Variants in SEMA3A observed in about 807,000 individuals in gnomAD.
SEMA3A encodes the protein semaphorin-3A.
SEMA3A carries 29 observed loss-of-function variants against 97.9 expected under a neutral mutation model. The ratio of observed to expected loss-of-function variants is 0.30; its 90% CI spans 0.22 to 0.40. SEMA3A has a LOEUF of 0.40. Among genes scored for constraint, SEMA3A ranks in the 10% least tolerant of loss-of-function variants. The pLI is 1.00. For synonymous variants in SEMA3A, 321 were observed against 323.7 expected (o/e 0.99, Z 0.09); for missense variants, 763 against 951.3 (o/e 0.80, Z 2.60).
chr7:84,360,982 A>C (rs770725574), intron 2 of SEMA3A, among the ~76,000 whole-genome samples: 2 of 152,030 alleles, frequency 1.3e-5, no homozygotes, highest in African/African-American at 2.4e-5. Context: ...ATACAGGTAA[A>C]AATGTTATTT....
At chr7:84,272,222 T>C (rs1325190613) in intron 3 of SEMA3A, among the ~76,000 whole-genome samples, 1 of 152,022 alleles carries the variant, frequency 6.6e-6, no homozygotes, top group East Asian at 1.9e-4. Context: ...ATTTAGAATC[T>C]ATGAAAAAAG....
chr7:84,357,136 A>AT (rs974885900), intron 2 of SEMA3A, among the ~76,000 whole-genome samples: 4 of 150,120 alleles, frequency 2.7e-5, no homozygotes, highest in African/African-American at 9.7e-5. Context: ...ATATATATAT[A>AT]TTTTTTATTA....
chr7:84,144,618 T>C (rs1796410939), intron 1 of SEMA3A, among the ~76,000 whole-genome samples: 1 of 152,148 alleles, frequency 6.6e-6, no homozygotes, highest in Non-Finnish European at 1.5e-5. Context: ...CTCATACTTG[T>C]TCAAAACAGC....
intron 1 of SEMA3A, among the ~76,000 whole-genome samples, chr7:84,472,753 CAGA>C (rs1285286906): frequency 1.3e-5 from 2 of 152,084 alleles, no homozygotes; most frequent in African/African-American, 4.8e-5. Flanking sequence ...CATATTATTT[CAGA>C]AGAACATAAT....
chr7:83,981,326 T>C lies in SEMA3A; in HGVS notation c.1647A>G (p.Ala549=). Reference sequence around the variant, plus strand: ...ATTTTGAATATTTTTCCTACCTCTTTGCAGTGGGAAAATAGCGAGAACATG... The same window carrying C: ...ATTTTGAATATTTTTCCTACCTCTTCGCAGTGGGAAAATAGCGAGAACATG... ...GSACSRYFPT[A]KRRTRRQDIR... The change falls in exon 14 of 17, where the codon GCA becomes GCG. Residue 549 remains alanine, a synonymous_variant. Transcript: ENST00000265362. 1 of 1,613,858 alleles carries C rather than the reference T, an allele frequency of 6.2e-7. No homozygotes were observed. The highest frequency in any genetic ancestry group is 1.3e-5 in the African/African-American group (1 of 75,042).
chr7:84,179,411 C>A (rs1562834572), intron 1 of SEMA3A, among the ~76,000 whole-genome samples: 1 of 152,122 alleles, frequency 6.6e-6, no homozygotes, highest in Non-Finnish European at 1.5e-5. Flanking sequence ...ACTAGAAAGC[C>A]ATTCTCCATT....
intron 3 of SEMA3A, among the ~76,000 whole-genome samples, chr7:84,209,715 A>T (rs182260962): frequency 2.0e-5 from 3 of 152,316 alleles, no homozygotes; most frequent in East Asian, 3.9e-4. Context: ...ATAAAATGTA[A>T]TGGCTGTTAT....
chr7:84,398,019 A>T (rs1803784203), intron 1 of SEMA3A, among the ~76,000 whole-genome samples: 1 of 152,178 alleles, frequency 6.6e-6, no homozygotes, highest in Non-Finnish European at 1.5e-5. Context: ...TTTATTTCTT[A>T]TTTGATTTGC....
chr7:84,044,040 C>T (rs756655253), intron 6 of SEMA3A, among the ~76,000 whole-genome samples: 1 of 152,000 alleles, frequency 6.6e-6, no homozygotes, highest in Non-Finnish European at 1.5e-5. Context: ...TTTTGTTTCT[C>T]ATGGACAGAG....
At chr7:84,142,099 T>C (rs1036729861) in intron 1 of SEMA3A, among the ~76,000 whole-genome samples, 2 of 152,212 alleles carry the variant, frequency 1.3e-5, no homozygotes, top group African/African-American at 2.4e-5. Flanking sequence ...CTATCTGTTA[T>C]ATGAATTTAT....
intron 11 of SEMA3A, 64 bp from the exon 12 acceptor site, chr7:84,002,110 G>T: frequency 1.1e-6 from 1 of 883,984 alleles, no homozygotes; most frequent in Non-Finnish European, 1.8e-6. Context: ...TAGTGTTAAT[G>T]AATGAAATAT....
chr7:84,023,781 C>A (rs1388973520), intron 6 of SEMA3A, among the ~76,000 whole-genome samples: 1 of 151,850 alleles, frequency 6.6e-6, no homozygotes, highest in African/African-American at 2.4e-5. Context: ...GAGGCCGAGG[C>A]GGGTGGATCA....
intron 1 of SEMA3A, among the ~76,000 whole-genome samples, chr7:84,480,409 T>C (rs920787200): frequency 6.6e-6 from 1 of 152,206 alleles, no homozygotes; most frequent in African/African-American, 2.4e-5. Context: ...TCGTAGGGAA[T>C]CTTTCCATTC....
chr7:84,246,254 T>C (rs1018631798), intron 3 of SEMA3A, among the ~76,000 whole-genome samples: 1 of 152,208 alleles, frequency 6.6e-6, no homozygotes, highest in Admixed American at 6.5e-5. Context: ...GGAATACAAT[T>C]TCGTTGTTTT....
At chr7:84,291,434 AT>A (rs1800743734) in intron 3 of SEMA3A, among the ~76,000 whole-genome samples, 1 of 151,916 alleles carries the variant, frequency 6.6e-6, no homozygotes, top group Non-Finnish European at 1.5e-5. Context: ...CTTACATTCA[AT>A]TTTTATTTTA....
At chr7:84,332,301 T>C (rs747488898) in intron 2 of SEMA3A, among the ~76,000 whole-genome samples, 3 of 152,174 alleles carry the variant, frequency 2.0e-5, no homozygotes, top group South Asian at 2.1e-4. Flanking sequence ...TATTAAAATG[T>C]TATTAATGTG....
chr7:84,142,997 G>C (rs1313460132), intron 1 of SEMA3A, among the ~76,000 whole-genome samples: 1 of 152,076 alleles, frequency 6.6e-6, no homozygotes, highest in African/African-American at 2.4e-5. Flanking sequence ...TCACTAATCT[G>C]ATCCATCGCT....
intron 15 of SEMA3A, among the ~76,000 whole-genome samples, chr7:83,968,481 T>A (rs1365391473): frequency 6.6e-6 from 1 of 152,190 alleles, no homozygotes; most frequent in East Asian, 1.9e-4. Flanking sequence ...ATTATTGAGA[T>A]TCTCGTGAAC....
At chr7:84,186,724 T>C (rs1173499252) in intron 1 of SEMA3A, among the ~76,000 whole-genome samples, 3 of 151,710 alleles carry the variant, frequency 2.0e-5, no homozygotes, top group Non-Finnish European at 2.9e-5. Flanking sequence ...TTCCTGGCAA[T>C]ATTTCTACCA....
Sources: gnomAD v4.1 joint callset for allele counts (sites outside exome capture counted in the v4.1 genomes callset) on GRCh38, gnomAD v4.1.1 for gene constraint, MANE v1.5 for transcripts, NCBI Gene and HGNC (gene_info 2026-07-23, HGNC 2026-07-21) for gene names.